Variants in RIMS2 observed in about 807,000 individuals in gnomAD.
The protein encoded by RIMS2 is regulating synaptic membrane exocytosis protein 2.
Under a neutral mutation model 174.4 loss-of-function variants are expected in RIMS2, and 59 were observed. The ratio of observed to expected loss-of-function variants is 0.34; its 90% CI spans 0.27 to 0.42. The LOEUF is 0.42. Ranked by LOEUF, RIMS2 falls within the 10% of genes least tolerant of loss-of-function variation. The pLI is 1.00. For synonymous variants in RIMS2, 606 were observed against 572.5 expected (o/e 1.06, Z -0.84); for missense variants, 1,620 against 1,666.3 (o/e 0.97, Z 0.48).
intron 19 of RIMS2, among the ~76,000 whole-genome samples, chr8:104,162,981 C>T (rs943218099): frequency 6.6e-6 from 1 of 152,114 alleles, no homozygotes; most frequent in South Asian, 2.1e-4. Flanking sequence ...GTGTTACCTA[C>T]TAGAAAGACT....
chr8:104,116,705 C>T (rs1014784962), intron 19 of RIMS2, among the ~76,000 whole-genome samples: 1 of 151,792 alleles, frequency 6.6e-6, no homozygotes, highest in African/African-American at 2.4e-5. Context: ...TGTTTTTAAA[C>T]CTGATAAAAT....
intron 3 of RIMS2, among the ~76,000 whole-genome samples, chr8:103,829,919 A>G (rs2098815285): frequency 6.6e-6 from 1 of 152,178 alleles, no homozygotes; most frequent in Non-Finnish European, 1.5e-5. Flanking sequence ...AGAAGAATTC[A>G]ATTTCTTTAA....
Position 103,818,771 on chromosome 8 carries a change from A to G in RIMS2, c.698+52234A>G, listed in dbSNP as rs141810595. 4.2e-3 allele frequency among the ~76,000 whole-genome samples: 645 copies of G among 152,300 alleles called. 4 individuals are homozygous for G. The highest frequency in any genetic ancestry group is 0.015 in the African/African-American group (614 of 41,574). ...TATCCACTTTTCTTTAAAAATAAAT[A>G]AATGGAGAAATTTTAAAATAAGAAA... is the stretch of plus-strand genomic sequence containing the variant. On this transcript the variant is annotated intron_variant, in intron 3 of 23. Transcript: ENST00000504942.
At chr8:103,745,156 A>C (rs2097796298) in intron 2 of RIMS2, among the ~76,000 whole-genome samples, 1 of 152,148 alleles carries the variant, frequency 6.6e-6, no homozygotes, top group Admixed American at 6.5e-5. Context: ...CTTCCCAAAA[A>C]ACCCCTGTAC....
chr8:103,751,259 CTACAAAGGACA>C (rs1458480947), intron 2 of RIMS2, among the ~76,000 whole-genome samples: 6 of 152,092 alleles, frequency 3.9e-5, no homozygotes, highest in African/African-American at 1.5e-4. Context: ...ATCCATGTCC[CTACAAAGGACA>C]TGAACTCATC....
chr8:103,629,609 T>C (rs10111902), intron 1 of RIMS2, among the ~76,000 whole-genome samples: 1,768 of 152,270 alleles, frequency 0.012, 33 homozygotes, highest in African/African-American at 0.039. Flanking sequence ...CTTGTCATAT[T>C]GAGAACTAGG....
chr8:104,043,200 AG>A (rs1001497099), intron 19 of RIMS2, among the ~76,000 whole-genome samples: 55 of 139,194 alleles, frequency 4.0e-4, no homozygotes, highest in African/African-American at 1.5e-3. Context: ...GAGATGGAAA[AG>A]AAAAAAATGA....
intron 1 of RIMS2, among the ~76,000 whole-genome samples, chr8:103,601,864 C>G (rs1341674860): frequency 2.6e-5 from 4 of 151,764 alleles, no homozygotes; most frequent in African/African-American, 9.7e-5. Flanking sequence ...TTTCTTATAA[C>G]CTATTATTTT....
chr8:103,711,669 G>A (rs1439180222), intron 2 of RIMS2, among the ~76,000 whole-genome samples: 2 of 152,098 alleles, frequency 1.3e-5, no homozygotes, highest in Non-Finnish European at 2.9e-5. Context: ...CCAAGGTGGG[G>A]TGGATTTCTT....
intron 19 of RIMS2, among the ~76,000 whole-genome samples, chr8:104,023,288 CTT>C (rs77488661): frequency 4.1e-5 from 6 of 145,408 alleles, no homozygotes; most frequent in African/African-American, 5.1e-5. Flanking sequence ...CACAATACCA[CTT>C]TTTTTTTTTT....
chr8:104,176,458 G>A (rs560748676), intron 19 of RIMS2, among the ~76,000 whole-genome samples: 5 of 152,094 alleles, frequency 3.3e-5, no homozygotes, highest in African/African-American at 1.2e-4. Flanking sequence ...ATCATAGTGG[G>A]CATGGTTCCA....
At chr8:104,003,214 G>A (rs967059296) in intron 17 of RIMS2, among the ~76,000 whole-genome samples, 1 of 152,048 alleles carries the variant, frequency 6.6e-6, no homozygotes, top group African/African-American at 2.4e-5. Context: ...CAACAACTCA[G>A]CTGTATCTTA....
At chr8:103,625,115 G>A (rs1009295943) in intron 1 of RIMS2, among the ~76,000 whole-genome samples, 2 of 152,020 alleles carry the variant, frequency 1.3e-5, no homozygotes, top group African/African-American at 4.8e-5. Flanking sequence ...TGTTTTTAGG[G>A]GGAAGGAGGT....
At chr8:104,241,917 G>A (rs1349917043) in intron 19 of RIMS2, among the ~76,000 whole-genome samples, 2 of 151,872 alleles carry the variant, frequency 1.3e-5, no homozygotes, top group South Asian at 2.1e-4. Flanking sequence ...GGGCCACCAC[G>A]CCCAGCTAAT....
intron 19 of RIMS2, among the ~76,000 whole-genome samples, chr8:104,136,979 A>G: frequency 6.6e-6 from 1 of 152,210 alleles, no homozygotes; most frequent in East Asian, 1.9e-4. Context: ...CTCATATATT[A>G]ACAATAAATA....
At chr8:104,070,720 G>T (rs4389894) in intron 19 of RIMS2, among the ~76,000 whole-genome samples, 37,699 of 151,844 alleles carry the variant, frequency 0.25, 4,889 homozygotes, top group South Asian at 0.36. Flanking sequence ...AAATTTGTTG[G>T]TTTATATTTT....
At chr8:103,630,563 A>G (rs1381934947) in intron 1 of RIMS2, among the ~76,000 whole-genome samples, 1 of 147,832 alleles carries the variant, frequency 6.8e-6, no homozygotes, top group Admixed American at 6.8e-5. Context: ...CTGGGCAACA[A>G]GAGCAAAACT....
chr8:104,166,058 TC>T lies in RIMS2; in HGVS notation c.3335-78857del, dbSNP rs1454310118. Among the ~76,000 whole-genome samples the T allele has an allele frequency of 1.1e-4, 14 of 130,090 alleles. No homozygotes were observed. The South Asian group carries it at 1.7e-3, about 16-fold the overall frequency. 85.3% of individuals were successfully genotyped at this position (130,090 alleles called of 152,430 possible). On this transcript the variant is annotated intron_variant, in intron 19 of 23. Transcript: ENST00000504942. ...TCTCACTGGAGTGGTATTTTGGATT[TC>T]TTTTTTTTTTTTTTTTTTTTTTTTT...
chr8:103,570,178 A>G (rs2092703822), intron 1 of RIMS2, among the ~76,000 whole-genome samples: 1 of 152,090 alleles, frequency 6.6e-6, no homozygotes. Flanking sequence ...CTCATTATAC[A>G]ATGTACTTCT....
Sources: gnomAD v4.1 joint callset for allele counts (sites outside exome capture counted in the v4.1 genomes callset) on GRCh38, gnomAD v4.1.1 for gene constraint, MANE v1.5 for transcripts, NCBI Gene and HGNC (gene_info 2026-07-23, HGNC 2026-07-21) for gene names.